Variants in BTBD1 observed in about 807,000 individuals in gnomAD.
BTBD1 encodes the protein BTB domain containing 1.
Under a neutral mutation model 48.0 loss-of-function variants are expected in BTBD1, and 34 were observed. That is an observed-to-expected ratio of 0.71 (90% CI 0.54 to 0.94). BTBD1 has a LOEUF of 0.94. Among genes scored for constraint, BTBD1 ranks in the 40% least tolerant of loss-of-function variants. The probability of loss-of-function intolerance (pLI) is 0.00; values close to 1 mark genes in which losing one functional copy is unlikely to be tolerated. For synonymous variants in BTBD1, 261 were observed against 242.1 expected (o/e 1.08, Z -0.72); for missense variants, 543 against 625.6 (o/e 0.87, Z 1.41).
chr15:83,048,382 T>A (rs1156586260), intron 3 of BTBD1, among the ~76,000 whole-genome samples: 7 of 152,182 alleles, frequency 4.6e-5, no homozygotes, highest in African/African-American at 1.7e-4. Flanking sequence ...TATGAGTTTG[T>A]AGCCCAGAAG....
chr15:83,057,594 ATGCT>A (rs1482231671), intron 1 of BTBD1, among the ~76,000 whole-genome samples: 1 of 152,164 alleles, frequency 6.6e-6, no homozygotes, highest in East Asian at 1.9e-4. Context: ...ATTTCTAAGA[ATGCT>A]TGCTTCTTTC....
At chr15:83,052,332 G>A (rs1329517666) in intron 2 of BTBD1, among the ~76,000 whole-genome samples, 3 of 151,966 alleles carry the variant, frequency 2.0e-5, no homozygotes, top group East Asian at 1.9e-4. Context: ...CACCCACCTC[G>A]GCCTCCCAAA....
At chr15:83,055,186 G>C (rs1026725773) in intron 2 of BTBD1, among the ~76,000 whole-genome samples, 3 of 152,056 alleles carry the variant, frequency 2.0e-5, no homozygotes, top group Non-Finnish European at 2.9e-5. Flanking sequence ...AATACTATAT[G>C]TTAAGGACTG....
chr15:83,031,851 G>A (rs1245675884), intron 4 of BTBD1, among the ~76,000 whole-genome samples: 1 of 151,432 alleles, frequency 6.6e-6, no homozygotes, highest in Non-Finnish European at 1.5e-5. Context: ...ATCATACATA[G>A]GCAAATTAAA....
intron 1 of BTBD1, among the ~76,000 whole-genome samples, chr15:83,056,746 C>T (rs1309733445): frequency 1.5e-5 from 2 of 134,922 alleles, no homozygotes; most frequent in African/African-American, 5.5e-5. Context: ...GGGTCTTGAT[C>T]GATTCCAGGC....
At chr15:83,036,888 G>A (rs2032640349) in intron 4 of BTBD1, among the ~76,000 whole-genome samples, 1 of 152,158 alleles carries the variant, frequency 6.6e-6, no homozygotes, top group Non-Finnish European at 1.5e-5. Context: ...AAGACAGAAA[G>A]TAGTCACCTT....
intron 4 of BTBD1, among the ~76,000 whole-genome samples, chr15:83,035,785 G>A (rs2151304619): frequency 6.6e-6 from 1 of 151,984 alleles, no homozygotes; most frequent in East Asian, 1.9e-4. Flanking sequence ...AAAGCTAGAA[G>A]TTGGTTCCAG....
chr15:83,067,187 A>C lies in BTBD1; in HGVS notation c.-36T>G. The C allele has an allele frequency of 7.3e-7, 1 of 1,360,694 alleles. No homozygotes were observed. Among genetic ancestry groups the C allele is most frequent in the South Asian group, 1.9e-5 (1 of 53,660 alleles). 84.3% of individuals were successfully genotyped at this position (1,360,694 alleles called of 1,614,324 possible). ...CGCGGTTGCCCACGTTATGGACAAA[A>C]CTCCGCCGCCATCGCCCAGGCCGCC... On this transcript the variant is annotated 5_prime_UTR_variant, in exon 1 of 8. Transcript: ENST00000261721.
At chr15:83,025,023 T>C (rs2032375033) in intron 5 of BTBD1, among the ~76,000 whole-genome samples, 1 of 152,120 alleles carries the variant, frequency 6.6e-6, no homozygotes, top group Admixed American at 6.6e-5. Context: ...TTACTCTTAT[T>C]AAAAGAGAAA....
intron 4 of BTBD1, among the ~76,000 whole-genome samples, chr15:83,040,757 C>T (rs925681611): frequency 6.6e-6 from 1 of 150,886 alleles, no homozygotes; most frequent in African/African-American, 2.4e-5. Flanking sequence ...TCAATCTGGC[C>T]GTGATTTAAA....
chr15:83,050,022 A>G (rs927941080), intron 3 of BTBD1, 51 bp downstream of exon 3: 1 of 1,085,260 alleles, frequency 9.2e-7, no homozygotes, highest in Non-Finnish European at 1.4e-6. Flanking sequence ...GCTGACAAGT[A>G]AGGCATTAAC....
intron 5 of BTBD1, among the ~76,000 whole-genome samples, chr15:83,028,408 T>C (rs992216184): frequency 6.6e-6 from 1 of 152,228 alleles, no homozygotes; most frequent in African/African-American, 2.4e-5. Flanking sequence ...TGTTTGGTCA[T>C]ACAGTGTTAT....
chr15:83,017,509 T>C lies in BTBD1; in HGVS notation c.*558A>G, dbSNP rs1048927355. 6.3e-4 allele frequency: 96 copies of C among 152,800 alleles called. No individual in the cohort carries two copies. Among genetic ancestry groups the C allele is most frequent in the African/African-American group, 2.3e-3 (94 of 41,584 alleles). The allele number at this position is 152,800 out of a possible 1,614,324, so 9.5% of individuals were successfully genotyped here. A position where few individuals can be genotyped will look rare whatever the true frequency, so the allele number is the denominator to read the frequency against. ...GCACTGAATATTTTCTTGGGCATTT[T>C]ATTAGGCCTTTTTTAGCATTATTAC... On this transcript the variant is annotated 3_prime_UTR_variant, in exon 8 of 8. Coordinates refer to ENST00000261721, the MANE Select transcript of BTBD1 (RefSeq NM_025238.4).
At chr15:83,057,183 A>G (rs1345317276) in intron 1 of BTBD1, among the ~76,000 whole-genome samples, 1 of 152,158 alleles carries the variant, frequency 6.6e-6, no homozygotes, top group Non-Finnish European at 1.5e-5. Flanking sequence ...TAATAAGAAA[A>G]CCAAGGCTGA....
intron 2 of BTBD1, among the ~76,000 whole-genome samples, chr15:83,050,511 C>A (rs1043506563): frequency 1.1e-4 from 17 of 149,354 alleles, no homozygotes; most frequent in African/African-American, 4.2e-4. Flanking sequence ...CTTAATGAAC[C>A]CTTTATGTTA....
At chr15:83,039,590 T>C (rs1417343899) in intron 4 of BTBD1, among the ~76,000 whole-genome samples, 2 of 151,906 alleles carry the variant, frequency 1.3e-5, no homozygotes. Context: ...CTGCACAACA[T>C]GGTGAAACCC....
At chr15:83,062,130 G>C (rs1362565651) in intron 1 of BTBD1, among the ~76,000 whole-genome samples, 3 of 152,036 alleles carry the variant, frequency 2.0e-5, no homozygotes, top group Non-Finnish European at 4.4e-5. Context: ...AAGAAAGAGA[G>C]ATCAAATCAC....
intron 2 of BTBD1, among the ~76,000 whole-genome samples, chr15:83,052,475 C>T (rs1460252010): frequency 6.6e-6 from 1 of 152,090 alleles, no homozygotes; most frequent in East Asian, 1.9e-4. Flanking sequence ...AATATCTTTA[C>T]CTAATCCACT....
At chr15:83,027,836 G>A (rs534610142) in intron 5 of BTBD1, among the ~76,000 whole-genome samples, 1 of 152,308 alleles carries the variant, frequency 6.6e-6, no homozygotes, top group East Asian at 1.9e-4. Flanking sequence ...CCTGTACTGT[G>A]CAGCTGAAAC....
Sources: allele counts gnomAD v4.1 joint callset (sites outside exome capture counted in the v4.1 genomes callset), GRCh38; gene constraint gnomAD v4.1.1; transcripts MANE v1.5; gene names NCBI Gene and HGNC (gene_info 2026-07-23, HGNC 2026-07-21).